The following ATM variants were observed in gnomAD, a reference collection of about 807,000 sequenced individuals.
ATM encodes ATM serine/threonine kinase.
In ATM, 308 loss-of-function variants were observed where a neutral mutation model predicts 387.0. The ratio of observed to expected loss-of-function variants is 0.80; its 90% CI spans 0.73 to 0.87. The LOEUF (loss-of-function observed/expected upper bound fraction) is 0.87. ATM is among the 40% of genes least tolerant of loss of function. The probability of loss-of-function intolerance (pLI) is 0.00; values close to 1 mark genes in which losing one functional copy is unlikely to be tolerated. For synonymous variants in ATM, 1,156 were observed against 1,187.3 expected, an observed-to-expected ratio of 0.97 and a Z score of 0.54; for missense variants, 3,312 against 3,560.9, an observed-to-expected ratio of 0.93 and a Z score of 1.78.
chr11:108,228,191 A>G (rs1487451988), intron 3 of ATM, among the ~76,000 whole-genome samples: 1 of 152,186 alleles, frequency 6.6e-6, no homozygotes, highest in Non-Finnish European at 1.5e-5. Flanking sequence ...AGAGGAAAAA[A>G]TTATAATAAA....
At position 108,281,041 on chromosome 11, in the gene ATM, GAAAAT is replaced by G. The variant is rs1060501676; in HGVS notation, c.3450_3454del (p.Arg1150SerfsTer14). 6.2e-7 allele frequency: 1 copy of G among 1,613,476 alleles called. No homozygotes were observed. The highest frequency in any genetic ancestry group is 8.5e-7 in the Non-Finnish European group (1 of 1,179,712). ...GAAACTTTGGATGAAATTTATAATA[GAAAAT>G]CTGTTTTACTGACGTTGATAGCTGT... On this transcript the variant is annotated frameshift_variant, in exon 24 of 63. Transcript: ENST00000675843. LOFTEE classifies it high-confidence loss of function.
At chr11:108,250,400 C>T (rs1452058066) in intron 9 of ATM, among the ~76,000 whole-genome samples, 1 of 152,114 alleles carries the variant, frequency 6.6e-6, no homozygotes, top group African/African-American at 2.4e-5. Flanking sequence ...ATCTGCCTGC[C>T]TTGGCCTCCC....
chr11:108,358,162 A>T lies in ATM; in HGVS notation c.8850+3288A>T, dbSNP rs2090255214. ...ATGTGAAGAATGCAGAAGCCTCAGG[A>T]GCCGATGCGATCAACTGGAAGAAAG... On this transcript the variant is annotated intron_variant, in intron 61 of 62. Transcript: ENST00000675843. Among the ~76,000 whole-genome samples the T allele has an allele frequency of 2.6e-5, 4 of 151,826 alleles. No homozygotes were observed. In the South Asian group the frequency reaches 8.3e-4, roughly 32 times the overall value.
intron 60 of ATM, 121 bp from the exon 61 acceptor site, chr11:108,354,690 T>C (rs1197668687): frequency 2.2e-6 from 2 of 892,168 alleles, no homozygotes; most frequent in East Asian, 2.4e-5. Context: ...TATTTTGAGA[T>C]ACAGATATGT....
chr11:108,341,308 C>T (rs968595715), intron 56 of ATM, among the ~76,000 whole-genome samples: 2 of 152,070 alleles, frequency 1.3e-5, no homozygotes, highest in African/African-American at 4.8e-5. Flanking sequence ...GCAGTGTTAC[C>T]CTCAGAAAGG....
At chr11:108,313,272 C>T (rs1270712302) in intron 40 of ATM, among the ~76,000 whole-genome samples, 1 of 152,164 alleles carries the variant, frequency 6.6e-6, no homozygotes, top group Non-Finnish European at 1.5e-5. Flanking sequence ...TTTAAAACCT[C>T]TCCTGTTTAA....
At chr11:108,340,586 C>G (rs1467368119) in intron 56 of ATM, among the ~76,000 whole-genome samples, 1 of 152,214 alleles carries the variant, frequency 6.6e-6, no homozygotes, top group Admixed American at 6.5e-5. Flanking sequence ...TCTGCAGTCA[C>G]ATCTCTGTAG....
rs371913748 is a variant in ATM at position 108,252,782 on chromosome 11, G to C, written c.1803-35G>C. 3.0e-5 allele frequency: 42 copies of C among 1,411,354 alleles called. No homozygotes were observed. The highest frequency in any genetic ancestry group is 4.0e-5 in the Non-Finnish European group (40 of 999,228). The allele number at this position is 1,411,354 out of a possible 1,614,324, so 87.4% of individuals were successfully genotyped here. The stretch of plus-strand genomic sequence containing the variant: ...TAAAGTATTCTTTACATGGCTTTTG[G>C]TCTTCTAAGTGAAGCTTTTTGTTTT... On this transcript the variant is annotated intron_variant, in intron 11 of 62. Transcript: ENST00000675843.
chr11:108,296,208 A>G (rs2083110661), intron 32 of ATM, among the ~76,000 whole-genome samples: 1 of 144,648 alleles, frequency 6.9e-6, no homozygotes, highest in African/African-American at 2.5e-5. Context: ...GAAACTTTCT[A>G]CTTTGTGTTT....
intron 59 of ATM, among the ~76,000 whole-genome samples, chr11:108,349,943 T>C (rs1305297279): frequency 6.6e-6 from 1 of 152,180 alleles, no homozygotes. Context: ...TAGGAAAGTC[T>C]TAAGCTGGAG....
intron 61 of ATM, among the ~76,000 whole-genome samples, chr11:108,359,745 C>T (rs1412160342): frequency 1.3e-5 from 2 of 151,906 alleles, no homozygotes; most frequent in African/African-American, 4.8e-5. Context: ...TCTTTGAAAC[C>T]AACGAGAACA....
intron 36 of ATM, 87 bp downstream of exon 36, chr11:108,303,116 T>C: frequency 7.9e-7 from 1 of 1,269,104 alleles, no homozygotes; most frequent in Non-Finnish European, 1.1e-6. Context: ...CATCTTCACA[T>C]AATATCACCC....
chr11:108,228,193 T>C (rs2078840933), intron 3 of ATM, among the ~76,000 whole-genome samples: 5 of 152,176 alleles, frequency 3.3e-5, no homozygotes, highest in Admixed American at 3.3e-4. Context: ...AGGAAAAAAT[T>C]ATAATAAATG....
intron 56 of ATM, among the ~76,000 whole-genome samples, chr11:108,340,832 A>T (rs752646237): frequency 1.3e-5 from 2 of 152,166 alleles, no homozygotes; most frequent in Non-Finnish European, 2.9e-5. Context: ...ACTGTAAATC[A>T]TCTCTGGGTT....
chr11:108,254,295 ATAG>A (rs2080338452), intron 13 of ATM, among the ~76,000 whole-genome samples: 1 of 152,190 alleles, frequency 6.6e-6, no homozygotes, highest in Non-Finnish European at 1.5e-5. Flanking sequence ...TTAGTGAGGA[ATAG>A]TAAGAGTTTG....
chr11:108,273,424 C>A (rs1459547618), intron 22 of ATM, among the ~76,000 whole-genome samples: 1 of 142,784 alleles, frequency 7.0e-6, no homozygotes, highest in Non-Finnish European at 1.5e-5. Flanking sequence ...TCACTTCAGC[C>A]TCTACCTCCT....
intron 18 of ATM, among the ~76,000 whole-genome samples, chr11:108,269,732 A>T (rs1293752561): frequency 2.0e-5 from 3 of 152,166 alleles, no homozygotes; most frequent in Non-Finnish European, 4.4e-5. Flanking sequence ...TGAGTCCCTA[A>T]TTAGAACCTC....
chr11:108,343,353 G>C lies in ATM; in HGVS notation c.8400G>C (p.Gln2800His), dbSNP rs879253901. 1 of 1,613,816 alleles carries C rather than the reference G, an allele frequency of 6.2e-7. No homozygotes were observed. The highest frequency in any genetic ancestry group is 8.5e-7 in the Non-Finnish European group (1 of 1,179,872). The change falls in exon 57 of 63, where the codon CAG (glutamine) becomes CAC (histidine). Residue 2800 changes from glutamine to histidine, a missense_variant. Around this residue, in one of 4 missense-constraint regions of ATM, gnomAD observed 1,405 missense variants for 1,604.4 expected, o/e 0.88. Transcript: ENST00000675843. ...GGCCAAATGATTTCAGTGCCTTTCA[G>C]TGCCAAAAGAAAATGATGGTGAGTG... Reference protein sequence around the residue: ...RYRPNDFSAFQCQKKMMEVQK... With the variant: ...RYRPNDFSAFHCQKKMMEVQK...
At chr11:108,324,817 G>T (rs1407097753) in intron 45 of ATM, among the ~76,000 whole-genome samples, 8 of 152,162 alleles carry the variant, frequency 5.3e-5, no homozygotes, top group Non-Finnish European at 8.8e-5. Context: ...GTTGGTAAAT[G>T]AAACCTTTGC....
Sources: allele counts gnomAD v4.1 joint callset (sites outside exome capture counted in the v4.1 genomes callset), GRCh38; gene constraint gnomAD v4.1.1; regional missense constraint gnomAD v4.1.1; transcripts MANE v1.5; gene names NCBI Gene and HGNC (gene_info 2026-07-23, HGNC 2026-07-21).